The following ENPP2 variants were observed in gnomAD, a reference collection of about 807,000 sequenced individuals.
ENPP2 encodes the protein ectonucleotide pyrophosphatase/phosphodiesterase 2.
In ENPP2, 51 loss-of-function variants were observed where a neutral mutation model predicts 120.2. The ratio of observed to expected loss-of-function variants is 0.42; its 90% CI spans 0.34 to 0.54. ENPP2 has a LOEUF of 0.54. Among genes scored for constraint, ENPP2 ranks in the 20% least tolerant of loss-of-function variants. The pLI is 0.04. For synonymous variants in ENPP2, 365 were observed against 366.4 expected (o/e 1.00, Z 0.04); for missense variants, 920 against 1,066.5 (o/e 0.86, Z 1.91).
intron 1 of ENPP2, among the ~76,000 whole-genome samples, chr8:119,668,124 C>T (rs1426328516): frequency 6.6e-6 from 1 of 152,086 alleles, no homozygotes; most frequent in Non-Finnish European, 1.5e-5. Context: ...CCTAAGCTTC[C>T]CCTATCAAAG....
intron 8 of ENPP2, among the ~76,000 whole-genome samples, chr8:119,613,542 T>C (rs1587481283): frequency 1.3e-5 from 2 of 152,316 alleles, no homozygotes; most frequent in East Asian, 3.9e-4. Context: ...CAATCTAAGA[T>C]TTGTATAAAT....
At chr8:119,673,093 C>A (rs1477236503) in intron 1 of ENPP2, among the ~76,000 whole-genome samples, 1 of 152,222 alleles carries the variant, frequency 6.6e-6, no homozygotes, top group East Asian at 1.9e-4. Flanking sequence ...TGCGCGCCTG[C>A]AAATTGCTCC....
At chr8:119,647,827 A>G (rs1188005399) in intron 1 of ENPP2, among the ~76,000 whole-genome samples, 1 of 152,140 alleles carries the variant, frequency 6.6e-6, no homozygotes, top group Non-Finnish European at 1.5e-5. Context: ...CAACATGGCA[A>G]AATCCCGTCT....
chr8:119,596,216 C>T (rs1226385275), intron 11 of ENPP2, among the ~76,000 whole-genome samples: 8 of 152,166 alleles, frequency 5.3e-5, no homozygotes, highest in Admixed American at 3.9e-4. Context: ...ACAGCTTCTT[C>T]GCTGAGAACA....
intron 8 of ENPP2, among the ~76,000 whole-genome samples, chr8:119,614,801 A>G (rs886999343): frequency 6.6e-6 from 1 of 152,152 alleles, no homozygotes; most frequent in Admixed American, 6.5e-5. Context: ...GTACTCATAA[A>G]ATATTCCCCT....
At chr8:119,642,904 T>G (rs1817324850), upstream of ENPP2, among the ~76,000 whole-genome samples, 1 of 152,196 alleles carries the variant, frequency 6.6e-6, no homozygotes, top group Admixed American at 6.5e-5. Flanking sequence ...TGATAGAAGG[T>G]TGTCGTTCTT....
intron 19 of ENPP2, among the ~76,000 whole-genome samples, chr8:119,578,184 G>A (rs1399356420): frequency 6.6e-6 from 1 of 152,126 alleles, no homozygotes; most frequent in Non-Finnish European, 1.5e-5. Flanking sequence ...CCACGTAGCT[G>A]GGATTACAGG....
intron 8 of ENPP2, among the ~76,000 whole-genome samples, chr8:119,613,429 A>C (rs1041483925): frequency 2.0e-5 from 3 of 152,358 alleles, no homozygotes; most frequent in Non-Finnish European, 4.4e-5. Flanking sequence ...TAGGACAAGA[A>C]GTGGCTTTTA....
At position 119,562,944 on chromosome 8, in the gene ENPP2, G is replaced by A. The variant is rs1058913; in HGVS notation, c.2334C>T (p.Phe778=). ...CGTCACACTTGTCGGCAGGCTGAGT[G>A]AAATCCAGACAGCTGGTGATGATGC... is the stretch of plus-strand genomic sequence containing the variant. ...YYSIITSCLD[F]TQPADKCDGP... is the part of the protein sequence containing the mutation. The change falls in exon 24 of 25, where the codon TTC becomes TTT. Residue 778 remains phenylalanine, a synonymous_variant. Transcript: ENST00000075322. 333,965 of 1,613,658 alleles carry A rather than the reference G, an allele frequency of 0.21. 37,549 individuals are homozygous for A. The highest frequency in any genetic ancestry group is 0.23 in the Non-Finnish European group (274,328 of 1,179,626).
intron 12 of ENPP2, among the ~76,000 whole-genome samples, chr8:119,592,086 C>G (rs1813545546): frequency 6.6e-6 from 1 of 152,186 alleles, no homozygotes; most frequent in Non-Finnish European, 1.5e-5. Context: ...GAAACTGAGA[C>G]TTGCCACAAA....
chr8:119,600,401 C>T lies in ENPP2; in HGVS notation c.972+277G>A, dbSNP rs1158640551. ...TCCGAATTATTCACCCTCCAACTGA[C>T]GCCCACAAGGCTAGAATACACCCCA... is the stretch of plus-strand genomic sequence containing the variant. On this transcript the variant is annotated intron_variant, in intron 11 of 24. Coordinates refer to ENST00000075322, the MANE Select transcript of ENPP2 (RefSeq NM_001040092.3). Among the ~76,000 whole-genome samples, 8 of 152,256 alleles carry T rather than the reference C, an allele frequency of 5.3e-5. No homozygotes were observed. In the South Asian group the frequency reaches 8.3e-4, roughly 16 times the overall value.
At chr8:119,596,255 G>C (rs1363645887) in intron 11 of ENPP2, among the ~76,000 whole-genome samples, 1 of 152,200 alleles carries the variant, frequency 6.6e-6, no homozygotes, top group African/African-American at 2.4e-5. Flanking sequence ...ATCTAGTCAT[G>C]TGGGTTTCTT....
chr8:119,583,595 T>G, intron 17 of ENPP2, 122 bp downstream of exon 17: 1 of 614,300 alleles, frequency 1.6e-6, no homozygotes, highest in Non-Finnish European at 2.9e-6. Flanking sequence ...GTTACAACCT[T>G]TTGTGGGGAA....
At position 119,622,272 on chromosome 8, in the gene ENPP2, A is replaced by G. The variant is rs148326427; in HGVS notation, c.293-753T>C. On this transcript the variant is annotated intron_variant, in intron 3 of 24. Coordinates refer to ENST00000075322, the MANE Select transcript of ENPP2 (RefSeq NM_001040092.3). ...CGTTAATCAGTGTGATTCAAACACA[A>G]ATAACAGGACAACTACATGGTTTCT... Among the ~76,000 whole-genome samples, 498 of 152,320 alleles carry G rather than the reference A, an allele frequency of 3.3e-3. 2 individuals are homozygous for G. The highest frequency in any genetic ancestry group is 0.011 in the African/African-American group (478 of 41,574).
At chr8:119,598,900 A>C (rs1814087695) in intron 11 of ENPP2, among the ~76,000 whole-genome samples, 2 of 152,212 alleles carry the variant, frequency 1.3e-5, no homozygotes, top group Non-Finnish European at 2.9e-5. Flanking sequence ...TACTTTTAAA[A>C]GGATGGCTAT....
intron 2 of ENPP2, among the ~76,000 whole-genome samples, chr8:119,627,024 T>C (rs532020419): frequency 3.9e-5 from 6 of 152,250 alleles, no homozygotes; most frequent in Admixed American, 2.0e-4. Context: ...GTGTTGGTGA[T>C]TTGTTCAATT....
intron 1 of ENPP2, among the ~76,000 whole-genome samples, chr8:119,650,226 A>C (rs1313065707): frequency 6.6e-6 from 1 of 152,222 alleles, no homozygotes. Context: ...GGGTGAAAGA[A>C]GCTAGCCACA....
At chr8:119,579,953 G>A (rs565215637) in intron 19 of ENPP2, among the ~76,000 whole-genome samples, 163 bp downstream of exon 19, 1 of 152,196 alleles carries the variant, frequency 6.6e-6, no homozygotes, top group African/African-American at 2.4e-5. Flanking sequence ...TTGTGTACAT[G>A]GAATAAACAA....
chr8:119,599,585 TTA>T (rs1351999561), intron 11 of ENPP2, among the ~76,000 whole-genome samples: 3 of 152,228 alleles, frequency 2.0e-5, no homozygotes, highest in Non-Finnish European at 4.4e-5. Flanking sequence ...ATCATATTTT[TTA>T]CTATCTATGC....
Sources: allele counts gnomAD v4.1 joint callset (sites outside exome capture counted in the v4.1 genomes callset), GRCh38; gene constraint gnomAD v4.1.1; transcripts MANE v1.5; gene names NCBI Gene and HGNC (gene_info 2026-07-23, HGNC 2026-07-21).